The following SORCS1 variants were observed in gnomAD, a reference collection of about 807,000 sequenced individuals.
The protein encoded by SORCS1 is sortilin related VPS10 domain containing receptor 1, also known as VPS10 domain-containing receptor SorCS1.
A neutral mutation model predicts 146.1 loss-of-function variants in SORCS1; 60 were observed. The ratio of observed to expected loss-of-function variants is 0.41; its 90% CI spans 0.33 to 0.51. The LOEUF is 0.51. SORCS1 is among the 20% of genes least tolerant of loss of function. The pLI, the probability that SORCS1 is intolerant of heterozygous loss-of-function variation, is 0.21. For missense variants in SORCS1, 1,352 were observed against 1,487.6 expected (o/e 0.91, Z 1.50); for synonymous variants, 637 against 584.0 (o/e 1.09, Z -1.31).
At chr10:106,884,793 AT>A (rs559954231) in intron 2 of SORCS1, among the ~76,000 whole-genome samples, 2 of 152,126 alleles carry the variant, frequency 1.3e-5, no homozygotes, top group African/African-American at 4.8e-5. Flanking sequence ...AATAGTTAGA[AT>A]TTTTTTTCAT....
the SORCS1 span, among the ~76,000 whole-genome samples, chr10:107,178,552 C>G: frequency 3.3e-5 from 5 of 151,288 alleles, no homozygotes; most frequent in African/African-American, 9.7e-5. Context: ...GGAATGTCAC[C>G]CAGTGGTACG....
intron 18 of SORCS1, among the ~76,000 whole-genome samples, chr10:106,642,214 A>T (rs1248498352): frequency 6.6e-6 from 1 of 152,218 alleles, no homozygotes; most frequent in East Asian, 1.9e-4. Flanking sequence ...ACTGTAGGAG[A>T]AAGTTGAACC....
chr10:107,151,987 C>A (rs2134828527), intron 1 of SORCS1, among the ~76,000 whole-genome samples: 2 of 152,252 alleles, frequency 1.3e-5, no homozygotes, highest in African/African-American at 4.8e-5. Context: ...GACCCAGAGG[C>A]CTAGGAGGGA....
chr10:106,580,204 G>A (rs1844820813), intron 24 of SORCS1, among the ~76,000 whole-genome samples: 1 of 152,136 alleles, frequency 6.6e-6, no homozygotes, highest in Admixed American at 6.5e-5. Flanking sequence ...CACGAGGGTA[G>A]CCGCGGAGAT....
chr10:107,004,850 G>C (rs1957374310), intron 1 of SORCS1, among the ~76,000 whole-genome samples: 1 of 152,094 alleles, frequency 6.6e-6, no homozygotes, highest in Non-Finnish European at 1.5e-5. Context: ...TAAATATGCT[G>C]GTATGTGTGT....
the SORCS1 span, among the ~76,000 whole-genome samples, chr10:107,172,521 C>CT: frequency 6.6e-6 from 1 of 152,236 alleles, no homozygotes; most frequent in South Asian, 2.1e-4. Flanking sequence ...TGACATTGTA[C>CT]TTTTTTAATT....
intron 5 of SORCS1, among the ~76,000 whole-genome samples, chr10:106,744,175 G>A (rs1257788989): frequency 6.6e-6 from 1 of 152,136 alleles, no homozygotes; most frequent in Non-Finnish European, 1.5e-5. Context: ...CGCGATCTCA[G>A]CTCACTGCAA....
intron 2 of SORCS1, among the ~76,000 whole-genome samples, chr10:106,887,104 C>T (rs1951030640): frequency 6.6e-6 from 1 of 152,200 alleles, no homozygotes; most frequent in South Asian, 2.1e-4. Flanking sequence ...AAGCACACAT[C>T]AGTCACATGA....
Position 107,083,164 on chromosome 10 carries a change from G to C in SORCS1, c.558+80805C>G, listed in dbSNP as rs796576064. Among the ~76,000 whole-genome samples the C allele has an allele frequency of 6.7e-5, 10 of 150,330 alleles. No individual in the cohort carries two copies. The South Asian group carries it at 1.9e-3, about 29-fold the overall frequency. On this transcript the variant is annotated intron_variant, in intron 1 of 25. Transcript: ENST00000263054. Reference sequence around the variant, plus strand: ...AACTGCTTGAATACAGTATTTGAAAGGGTTTATTATTATTATCAAAGGAAA... The same window carrying C: ...AACTGCTTGAATACAGTATTTGAAACGGTTTATTATTATTATCAAAGGAAA...
At chr10:106,999,235 C>A (rs1174800708) in intron 1 of SORCS1, among the ~76,000 whole-genome samples, 1 of 152,090 alleles carries the variant, frequency 6.6e-6, no homozygotes. Context: ...GACACACACA[C>A]CACTGCCACC....
chr10:107,170,681 T>C, the SORCS1 span, among the ~76,000 whole-genome samples: 15 of 152,232 alleles, frequency 9.9e-5, no homozygotes, highest in Admixed American at 9.2e-4. Context: ...AAAGAATCAG[T>C]AGCACAGTTG....
chr10:106,906,016 C>T (rs1220041520), intron 2 of SORCS1, among the ~76,000 whole-genome samples: 1 of 152,204 alleles, frequency 6.6e-6, no homozygotes, highest in Non-Finnish European at 1.5e-5. Flanking sequence ...ACTCTTTCAT[C>T]CTTTGGGAAA....
intron 1 of SORCS1, among the ~76,000 whole-genome samples, chr10:107,106,733 A>T (rs1211046391): frequency 1.3e-5 from 2 of 152,088 alleles, no homozygotes; most frequent in African/African-American, 4.8e-5. Flanking sequence ...TCCCAAATTC[A>T]TATGTTTAAA....
rs189871580 is a variant in SORCS1 at position 107,016,746 on chromosome 10, T to C, written c.559-60166A>G. On this transcript the variant is annotated intron_variant, in intron 1 of 25. Coordinates refer to ENST00000263054, the MANE Select transcript of SORCS1 (RefSeq NM_052918.5). ...ACTATCAGAGTGAAAAGGGAAGGTA[T>C]CCAGTAGGAGAAGATATCTGCAATC... is the stretch of plus-strand genomic sequence containing the variant. Among the ~76,000 whole-genome samples the C allele has an allele frequency of 6.3e-4, 96 of 152,210 alleles. 1 individual carries two copies. Among genetic ancestry groups the C allele is most frequent in the African/African-American group, 2.1e-3 (87 of 41,528 alleles).
At chr10:106,987,712 T>G (rs1956544962) in intron 1 of SORCS1, among the ~76,000 whole-genome samples, 3 of 152,238 alleles carry the variant, frequency 2.0e-5, no homozygotes, top group African/African-American at 7.2e-5. Flanking sequence ...TTTTTCTTCT[T>G]CCTCAGAATT....
chr10:106,883,392 AT>A (rs1344124611), intron 2 of SORCS1, among the ~76,000 whole-genome samples: 2 of 151,096 alleles, frequency 1.3e-5, no homozygotes, highest in Non-Finnish European at 2.9e-5. Context: ...GTGCAACATC[AT>A]TTAAAAATAT....
intron 2 of SORCS1, among the ~76,000 whole-genome samples, chr10:106,833,439 A>C (rs995537581): frequency 2.0e-5 from 3 of 152,236 alleles, no homozygotes; most frequent in African/African-American, 7.2e-5. Context: ...CGGTAGAACC[A>C]ACAATCAGCC....
At position 106,603,474 on chromosome 10, in the gene SORCS1, C is replaced by T. The variant is rs541900860; in HGVS notation, c.3165+3692G>A. Among the ~76,000 whole-genome samples the T allele has an allele frequency of 3.9e-5, 6 of 152,270 alleles. No homozygotes were observed. The South Asian group carries it at 1.0e-3, about 26-fold the overall frequency. On this transcript the variant is annotated intron_variant, in intron 23 of 25. Transcript: ENST00000263054. ...AATTTATTTCACAGACAAGATAGCT[C>T]GATCCAAGCCAGCATCGCTGCTCCC...
At chr10:107,023,494 C>A (rs1958246937) in intron 1 of SORCS1, among the ~76,000 whole-genome samples, 1 of 152,098 alleles carries the variant, frequency 6.6e-6, no homozygotes, top group African/African-American at 2.4e-5. Context: ...CTAGAGGGCA[C>A]AGGTATCCAA....
Sources: allele counts gnomAD v4.1 joint callset (sites outside exome capture counted in the v4.1 genomes callset), GRCh38; gene constraint gnomAD v4.1.1; transcripts MANE v1.5; gene names NCBI Gene and HGNC (gene_info 2026-07-23, HGNC 2026-07-21).